HAPLN1: variants seen among roughly 807,000 people sequenced by gnomAD.
The protein encoded by HAPLN1 is hyaluronan and proteoglycan link protein 1.
HAPLN1 carries 13 observed loss-of-function variants against 36.5 expected under a neutral mutation model. The ratio of observed to expected loss-of-function variants is 0.36; its 90% CI spans 0.23 to 0.57. The LOEUF is 0.57. Ranked by LOEUF, HAPLN1 falls within the 20% of genes least tolerant of loss-of-function variation. The probability of loss-of-function intolerance (pLI) is 0.83; values close to 1 mark genes in which losing one functional copy is unlikely to be tolerated. For missense variants in HAPLN1, 407 were observed against 439.7 expected (o/e 0.93, Z 0.66); for synonymous variants, 202 against 169.8 (o/e 1.19, Z -1.48).
chr5:83,654,525 A>G (rs1319943081), intron 2 of HAPLN1, among the ~76,000 whole-genome samples: 4 of 152,192 alleles, frequency 2.6e-5, no homozygotes, highest in Non-Finnish European at 5.9e-5. Context: ...GGAGGAGGAA[A>G]AAGTGCTGTT....
intron 2 of HAPLN1, among the ~76,000 whole-genome samples, chr5:83,672,847 G>T (rs1195218007): frequency 6.6e-6 from 1 of 152,190 alleles, no homozygotes; most frequent in Admixed American, 6.5e-5. Flanking sequence ...TGAGGAAATA[G>T]CTGCATTGTA....
At chr5:83,693,999 C>A (rs1436498883) in intron 1 of HAPLN1, among the ~76,000 whole-genome samples, 1 of 151,874 alleles carries the variant, frequency 6.6e-6, no homozygotes, top group East Asian at 1.9e-4. Flanking sequence ...AGTACACATT[C>A]TTTTCAAATG....
chr5:83,672,680 G>A (rs1750760359), intron 2 of HAPLN1, among the ~76,000 whole-genome samples: 1 of 152,142 alleles, frequency 6.6e-6, no homozygotes, highest in South Asian at 2.1e-4. Context: ...GTACCCCAAT[G>A]GAGTTTATCT....
rs180793962 is a variant in HAPLN1, at chr5:83,652,723, T to C, written c.202A>G (p.Thr68Ala). Residue 68 changes from threonine to alanine, a missense_variant, in exon 3 of 5, where the codon ACA becomes GCA. Transcript: ENST00000274341. ...TTATGGATTCCTGAGCCAAATGCTG[T>C]AGGGTCTCGATAAAATTTACATGGC... ...TLPCKFYRDP[T>A]AFGSGIHKIR... 199 of 1,614,098 alleles carry C rather than the reference T, an allele frequency of 1.2e-4. No individual in the cohort carries two copies. The East Asian group carries it at 3.4e-3, about 28-fold the overall frequency.
At position 83,669,477 on chromosome 5, in the gene HAPLN1, C is replaced by T. The variant is rs6871182; in HGVS notation, c.100+3947G>A. 9.0e-3 allele frequency among the ~76,000 whole-genome samples: 1,363 copies of T among 151,110 alleles called. 6 individuals are homozygous for T. Among genetic ancestry groups the T allele is most frequent in the African/African-American group, 0.012 (500 of 41,096 alleles). ...TTGAGCCATTGTACTCCAGCCTGGG[C>T]GAGAGAGCAAGACTCCGTCTCAAAA... On this transcript the variant is annotated intron_variant, in intron 2 of 4. Transcript: ENST00000274341.
At chr5:83,710,316 T>C (rs1207147574) in intron 1 of HAPLN1, among the ~76,000 whole-genome samples, 1 of 152,056 alleles carries the variant, frequency 6.6e-6, no homozygotes, top group Non-Finnish European at 1.5e-5. Flanking sequence ...AGATTAACCA[T>C]AGAAGCCTGA....
chr5:83,699,251 CA>C (rs781761977), intron 1 of HAPLN1, among the ~76,000 whole-genome samples: 78 of 152,304 alleles, frequency 5.1e-4, no homozygotes, highest in Non-Finnish European at 8.7e-4. Flanking sequence ...TTATTTTTCT[CA>C]AATGTGTCCA....
intron 4 of HAPLN1, among the ~76,000 whole-genome samples, chr5:83,644,144 A>T (rs1056184141): frequency 1.3e-5 from 2 of 152,250 alleles, no homozygotes; most frequent in Non-Finnish European, 2.9e-5. Flanking sequence ...GATGAAATAA[A>T]ACGTAGGAGT....
intron 1 of HAPLN1, among the ~76,000 whole-genome samples, chr5:83,688,690 T>C (rs947112782): frequency 7.2e-6 from 1 of 139,356 alleles, no homozygotes; most frequent in African/African-American, 2.8e-5. Context: ...AGAATGAGTA[T>C]TTGAGGAAAG....
intron 1 of HAPLN1, among the ~76,000 whole-genome samples, chr5:83,702,230 C>T (rs1751524600): frequency 1.3e-5 from 2 of 152,040 alleles, no homozygotes; most frequent in Admixed American, 1.3e-4. Context: ...TGATTGAAAT[C>T]TTTGTGATAA....
rs986143187 is a variant in HAPLN1, at chr5:83,658,827, G to A, written c.101-6003C>T. Among the ~76,000 whole-genome samples the A allele has an allele frequency of 1.1e-4, 16 of 152,112 alleles. 1 individual carries two copies. Among genetic ancestry groups the A allele is most frequent in the African/African-American group, 3.6e-4 (15 of 41,398 alleles). On this transcript the variant is annotated intron_variant, in intron 2 of 4. Transcript: ENST00000274341. ...CCAGCCTTTACTGTTCTTTCAAAGA[G>A]TTCATTACTTTTATCAGAGACCAAG... is the stretch of plus-strand genomic sequence containing the variant.
At chr5:83,663,668 T>A (rs935905221) in intron 2 of HAPLN1, among the ~76,000 whole-genome samples, 1 of 152,146 alleles carries the variant, frequency 6.6e-6, no homozygotes, top group African/African-American at 2.4e-5. Context: ...TCCCAGTCTT[T>A]CTCAATTTAG....
chr5:83,708,912 T>C (rs1187866672), intron 1 of HAPLN1, among the ~76,000 whole-genome samples: 1 of 152,220 alleles, frequency 6.6e-6, no homozygotes, highest in East Asian at 1.9e-4. Flanking sequence ...ACACAGTCTC[T>C]GTCACCCAGG....
chr5:83,672,438 G>A (rs1350244872), intron 2 of HAPLN1, among the ~76,000 whole-genome samples: 1 of 152,112 alleles, frequency 6.6e-6, no homozygotes, highest in African/African-American at 2.4e-5. Flanking sequence ...GCTGTTGGAA[G>A]CAAACAAAAC....
chr5:83,652,944 C>G (rs1750113680), intron 2 of HAPLN1, 120 bp from the exon 3 acceptor site: 9 of 943,494 alleles, frequency 9.5e-6, no homozygotes, highest in Non-Finnish European at 1.2e-5. Flanking sequence ...GAGTGGTTAG[C>G]TTCTCTACGT....
At chr5:83,646,860 A>C (rs915240121) in intron 3 of HAPLN1, among the ~76,000 whole-genome samples, 2 of 152,202 alleles carry the variant, frequency 1.3e-5, no homozygotes, top group African/African-American at 4.8e-5. Flanking sequence ...GCTGATGAAA[A>C]GGAAAATATT....
rs56005008 is a variant in HAPLN1 at position 83,661,435 on chromosome 5, CTTTTTTTTTTT to C, written c.101-8622_101-8612del. Among the ~76,000 whole-genome samples, 20 of 62,976 alleles carry C rather than the reference CTTTTTTTTTTT, an allele frequency of 3.2e-4. No individual in the cohort carries two copies. The South Asian group carries it at 0.013, about 40-fold the overall frequency. 41.3% of individuals were successfully genotyped at this position (62,976 alleles called of 152,430 possible). On this transcript the variant is annotated intron_variant, in intron 2 of 4. Coordinates refer to ENST00000274341, the MANE Select transcript of HAPLN1 (RefSeq NM_001884.4). ...CAATGGTGGTCTGTGAGAAAAGCTTCTTTTTTTTTTTTTTTTTTTTTTTTTTTGAGACGGAG... is the reference window on the plus strand; with the variant it reads ...CAATGGTGGTCTGTGAGAAAAGCTTCTTTTTTTTTTTTTTTTGAGACGGAG...
At chr5:83,661,435 CTTTTTTTTTT>C (rs56005008) in intron 2 of HAPLN1, among the ~76,000 whole-genome samples, 3 of 62,956 alleles carry the variant, frequency 4.8e-5, no homozygotes, top group African/African-American at 1.3e-4. Flanking sequence ...AGAAAAGCTT[CTTTTTTTTTT>C]TTTTTTTTTT....
chr5:83,686,773 G>T (rs1415634595), intron 1 of HAPLN1, among the ~76,000 whole-genome samples: 3 of 152,128 alleles, frequency 2.0e-5, no homozygotes, highest in Admixed American at 1.3e-4. Flanking sequence ...TGGGCCAATG[G>T]GTGGGAGTAG....
Sources: allele counts gnomAD v4.1 joint callset (sites outside exome capture counted in the v4.1 genomes callset), GRCh38; gene constraint gnomAD v4.1.1; transcripts MANE v1.5; gene names NCBI Gene and HGNC (gene_info 2026-07-23, HGNC 2026-07-21).